STPG4: variants seen among roughly 807,000 people sequenced by gnomAD.
STPG4 encodes sperm-tail PG-rich repeat containing 4.
STPG4 carries 41 observed loss-of-function variants against 31.5 expected under a neutral mutation model. The ratio of observed to expected loss-of-function variants is 1.30; its 90% CI spans 1.01 to 1.69. STPG4 has a LOEUF of 1.69. STPG4 is among the 40% of genes most tolerant of loss of function. The pLI is 0.00. For synonymous variants in STPG4, 141 were observed against 103.0 expected, an observed-to-expected ratio of 1.37 and a Z score of -2.24; for missense variants, 375 against 293.4, an observed-to-expected ratio of 1.28 and a Z score of -2.03.
rs138177502 is a variant in STPG4, at chr2:47,121,233, C to T, written c.519+8708G>A. On this transcript the variant is annotated intron_variant, in intron 5 of 6. Coordinates refer to ENST00000445927, the MANE Select transcript of STPG4 (RefSeq NM_001163561.2). ...CCCTAGCTGTCAGGCAACTCCCCTT[C>T]CCATATCCCTACAGGAGACAGGGAG... 7.0e-3 allele frequency: 1,084 copies of T among 154,276 alleles called. 5 individuals are homozygous for T. The highest frequency in any genetic ancestry group is 0.012 in the Non-Finnish European group (805 of 68,106). The allele number at this position is 154,276 out of a possible 1,614,324, so 9.6% of individuals were successfully genotyped here. A position where few individuals can be genotyped will look rare whatever the true frequency, so the allele number is the denominator to read the frequency against.
At chr2:47,154,645 C>T (rs1686994210) in intron 1 of STPG4, among the ~76,000 whole-genome samples, 1 of 152,204 alleles carries the variant, frequency 6.6e-6, no homozygotes, top group South Asian at 2.1e-4. Context: ...GCAGGAGAAT[C>T]CCTTGAACCC....
chr2:47,102,411 G>C (rs1006496544), intron 5 of STPG4, among the ~76,000 whole-genome samples: 4 of 151,738 alleles, frequency 2.6e-5, no homozygotes, highest in Non-Finnish European at 5.9e-5. Flanking sequence ...TCTGCACTAC[G>C]GCTTGGCCCC....
intron 5 of STPG4, among the ~76,000 whole-genome samples, chr2:47,118,335 A>T (rs1057496082): frequency 6.6e-6 from 1 of 152,184 alleles, no homozygotes; most frequent in Non-Finnish European, 1.5e-5. Context: ...ATGAGAATCT[A>T]ATGCCTGATG....
At position 47,151,252 on chromosome 2, in the gene STPG4, C is replaced by T; in HGVS notation, c.399+6G>A. ...CACACAAAGCAATCTGCCAGTAGCG[C>T]TTTACCTGATCTTTGTCAACTAGTG... On this transcript the variant is annotated splice_donor_region_variant and intron_variant, in intron 3 of 6. Transcript: ENST00000445927. 1 of 1,614,112 alleles carries T rather than the reference C, an allele frequency of 6.2e-7. No homozygotes were observed.
At chr2:47,110,079 ATG>A (rs1481482368) in intron 5 of STPG4, among the ~76,000 whole-genome samples, 8 of 151,628 alleles carry the variant, frequency 5.3e-5, no homozygotes, top group East Asian at 1.9e-4. Context: ...ATCAGGAAAG[ATG>A]TGTGTGTCTC....
chr2:47,127,152 C>A (rs762516203), intron 5 of STPG4, among the ~76,000 whole-genome samples: 32 of 150,540 alleles, frequency 2.1e-4, no homozygotes, highest in Non-Finnish European at 3.7e-4. Context: ...CTTAGATTTG[C>A]CGTTTTGAGG....
intron 3 of STPG4, among the ~76,000 whole-genome samples, chr2:47,138,946 A>G (rs561888644): frequency 7.9e-5 from 12 of 152,318 alleles, no homozygotes; most frequent in African/African-American, 2.6e-4. Flanking sequence ...TGGCCTCCCA[A>G]TGTGCTGGGA....
chr2:47,121,880 G>T (rs183860585), intron 5 of STPG4, among the ~76,000 whole-genome samples: 2 of 102,092 alleles, frequency 2.0e-5, no homozygotes, highest in African/African-American at 3.2e-5. Context: ...GTGTGTGTGT[G>T]TGTGTGTGTA....
At chr2:47,139,044 G>C (rs754386299) in intron 3 of STPG4, among the ~76,000 whole-genome samples, 1 of 152,190 alleles carries the variant, frequency 6.6e-6, no homozygotes, top group Admixed American at 6.5e-5. Context: ...TTCCATGTGA[G>C]CTGGAGGAAA....
intron 3 of STPG4, among the ~76,000 whole-genome samples, chr2:47,143,202 T>C (rs1245569139): frequency 6.6e-6 from 1 of 152,322 alleles, no homozygotes; most frequent in Admixed American, 6.5e-5. Context: ...TTGCTGAGTT[T>C]AAGGCTATGT....
chr2:47,093,263 G>A (rs1168231692), intron 5 of STPG4, among the ~76,000 whole-genome samples: 1 of 152,160 alleles, frequency 6.6e-6, no homozygotes, highest in Non-Finnish European at 1.5e-5. Flanking sequence ...ACAACTCATG[G>A]CAGAGAGATG....
chr2:47,120,030 G>T (rs1386079349), intron 5 of STPG4, among the ~76,000 whole-genome samples: 2 of 152,068 alleles, frequency 1.3e-5, no homozygotes, highest in South Asian at 4.1e-4. Flanking sequence ...AAGAGGCTTG[G>T]TTTAAAAATT....
rs571904268 is a variant in STPG4 at position 47,097,870 on chromosome 2, C to T, written c.520-7496G>A. On this transcript the variant is annotated intron_variant, in intron 5 of 6. Coordinates refer to ENST00000445927, the MANE Select transcript of STPG4 (RefSeq NM_001163561.2). Reference sequence around the variant, plus strand: ...CAGTGGCTCACGCCTGTAATCCCAGCACTTTTGGAGGCCCACGTGGGTAGA... The same window carrying T: ...CAGTGGCTCACGCCTGTAATCCCAGTACTTTTGGAGGCCCACGTGGGTAGA... Among the ~76,000 whole-genome samples the T allele has an allele frequency of 9.3e-5, 14 of 151,336 alleles. 1 individual carries two copies. The highest frequency in any genetic ancestry group is 2.9e-4 in the African/African-American group (12 of 41,180).
intron 5 of STPG4, among the ~76,000 whole-genome samples, chr2:47,101,160 C>T (rs1347057983): frequency 6.6e-6 from 1 of 151,776 alleles, no homozygotes; most frequent in Non-Finnish European, 1.5e-5. Flanking sequence ...ATACCGGGCA[C>T]CTGTCAGCCA....
At chr2:47,153,582 A>G (rs1686976420) in intron 1 of STPG4, among the ~76,000 whole-genome samples, 1 of 152,178 alleles carries the variant, frequency 6.6e-6, no homozygotes, top group South Asian at 2.1e-4. Flanking sequence ...TTGAAACCCT[A>G]TCTGTACTAA....
chr2:47,151,144 T>C (rs1182679732), intron 3 of STPG4, 114 bp downstream of exon 3: 19 of 1,289,918 alleles, frequency 1.5e-5, no homozygotes, highest in African/African-American at 3.0e-5. Flanking sequence ...AAATAAGACA[T>C]CTTAAAGGTT....
intron 5 of STPG4, chr2:47,129,157 T>G (rs1425254359): frequency 1.3e-5 from 2 of 152,136 alleles, no homozygotes; most frequent in African/African-American, 4.8e-5. Flanking sequence ...GTATCCAGAT[T>G]CAAGACAAGT....
chr2:47,137,939 T>A (rs559258992), intron 3 of STPG4, among the ~76,000 whole-genome samples: 61 of 152,170 alleles, frequency 4.0e-4, no homozygotes, highest in Non-Finnish European at 7.4e-4. Flanking sequence ...AGTTCCTTGA[T>A]TTTCTCTATT....
intron 5 of STPG4, among the ~76,000 whole-genome samples, chr2:47,103,984 A>T (rs1293108505): frequency 1.3e-5 from 2 of 151,928 alleles, no homozygotes; most frequent in Non-Finnish European, 2.9e-5. Flanking sequence ...CCACCTCCTC[A>T]GTTGTAATTG....
Sources: allele counts gnomAD v4.1 joint callset (sites outside exome capture counted in the v4.1 genomes callset), GRCh38; gene constraint gnomAD v4.1.1; transcripts MANE v1.5; gene names NCBI Gene and HGNC (gene_info 2026-07-23, HGNC 2026-07-21).